The following TAF1 variants were observed in gnomAD, a reference collection of about 807,000 sequenced individuals.
TAF1 encodes transcription initiation factor TFIID subunit 1.
Under a neutral mutation model 138.5 loss-of-function variants are expected in TAF1, and 2 were observed. The observed-to-expected ratio is 0.01, with a 90% CI of 0.01 to 0.05. TAF1 has a LOEUF of 0.05. Among genes scored for constraint, TAF1 ranks in the 10% least tolerant of loss-of-function variants. TAF1 has a pLI of 1.00. For missense variants in TAF1, 709 were observed against 1,478.0 expected (o/e 0.48, Z 8.53); for synonymous variants, 437 against 503.2 (o/e 0.87, Z 1.76).
intron 22 of TAF1, 152 bp from the exon 23 acceptor site, chrX:71,397,101 G>T: frequency 1.9e-6 from 1 of 535,056 alleles, no homozygotes; most frequent in Admixed American, 3.5e-5. Context: ...GGACAAATCA[G>T]CATATTCTTG....
chrX:71,419,201 G>A (rs777094272), intron 28 of TAF1, among the ~76,000 whole-genome samples: 6 of 111,006 alleles, frequency 5.4e-5, no homozygotes, highest in African/African-American at 2.0e-4. Flanking sequence ...TCACCCATCG[G>A]TCTATTTAGG....
chrX:71,519,128 C>G (rs997190562), intron 13 of TAF1, among the ~76,000 whole-genome samples: 1 of 108,827 alleles, frequency 9.2e-6, no homozygotes, highest in East Asian at 3.0e-4. Context: ...CGAGACCATC[C>G]TGGCTAGCAC....
intron 13 of TAF1, chrX:71,492,070 G>A (rs1329191336): frequency 8.8e-6 from 1 of 113,180 alleles, no homozygotes; most frequent in African/African-American, 3.2e-5. Context: ...ACTATTAGAC[G>A]CATGTCCCCA....
At chrX:71,409,052 A>G (rs775709059) in intron 28 of TAF1, among the ~76,000 whole-genome samples, 2 of 110,260 alleles carry the variant, frequency 1.8e-5, no homozygotes, top group Admixed American at 9.7e-5. Context: ...TTCAGTGTGG[A>G]TGGAACCTGT....
chrX:71,499,013 A>G (rs982996004), intron 13 of TAF1, among the ~76,000 whole-genome samples: 6 of 111,529 alleles, frequency 5.4e-5, no homozygotes, highest in African/African-American at 2.0e-4. Flanking sequence ...GGGTGATGAC[A>G]TGAGCTGGCG....
intron 13 of TAF1, among the ~76,000 whole-genome samples, chrX:71,524,019 CTTTTTT>C (rs397895424): frequency 1.6e-4 from 12 of 76,359 alleles, no homozygotes; most frequent in Admixed American, 1.3e-3. Flanking sequence ...TGTAATAGTT[CTTTTTT>C]TTTTTTTTTT....
intron 13 of TAF1, among the ~76,000 whole-genome samples, chrX:71,502,607 G>C (rs909762190): frequency 4.4e-5 from 5 of 112,859 alleles, no homozygotes; most frequent in African/African-American, 1.3e-4. Flanking sequence ...GTTGCAGACT[G>C]TTTCAGTAAA....
At chrX:71,492,288 G>A (rs1157287453) in intron 13 of TAF1, 1 of 124,802 alleles carries the variant, frequency 8.0e-6, no homozygotes, top group Non-Finnish European at 1.8e-5. Flanking sequence ...GGGGAGGTCT[G>A]CGGGGGACGC....
intron 28 of TAF1, among the ~76,000 whole-genome samples, chrX:71,410,775 T>C (rs913041751): frequency 3.7e-5 from 4 of 106,903 alleles, no homozygotes; most frequent in Non-Finnish European, 5.8e-5. Flanking sequence ...GCATTTCTAA[T>C]CTACATTTGT....
Position 71,402,309 on chromosome X carries a change from G to C in TAF1, c.3998+570G>C, listed in dbSNP as rs1231276934. On this transcript the variant is annotated intron_variant, in intron 25 of 37. Transcript: ENST00000423759. ...TTTTGTAGAGATGGGGTTTCGTTAT[G>C]TTGGCCAGGCTGGACTCAAAACTCC... Among the ~76,000 whole-genome samples, 6 of 111,920 alleles carry C rather than the reference G, an allele frequency of 5.4e-5. No homozygotes were observed. In the Admixed American group the frequency reaches 5.7e-4, roughly 11 times the overall value.
chrX:71,519,269 C>T (rs1406611985), intron 13 of TAF1, among the ~76,000 whole-genome samples: 1 of 103,321 alleles, frequency 9.7e-6, no homozygotes, highest in Non-Finnish European at 2.0e-5. Flanking sequence ...TTACAGTGAG[C>T]CGGTGATCAA....
At position 71,398,056 on chromosome X, in the gene TAF1, C is replaced by T. The variant is rs573350945; in HGVS notation, c.3621-516C>T. Among the ~76,000 whole-genome samples the T allele has an allele frequency of 1.7e-4, 19 of 111,832 alleles. No homozygotes were observed. In the East Asian group the frequency reaches 2.3e-3, roughly 13 times the overall value. ...TGGTTTGCAAAAATCTTAGAGATTA[C>T]TGGCCGGGCGCGGTGGCTCACGCCT... On this transcript the variant is annotated intron_variant, in intron 23 of 37. Coordinates refer to ENST00000423759, the MANE Select transcript of TAF1 (RefSeq NM_004606.5).
chrX:71,497,983 C>T (rs2039427529), intron 13 of TAF1, among the ~76,000 whole-genome samples: 1 of 111,352 alleles, frequency 9.0e-6, no homozygotes. Context: ...TTGTTGTAGG[C>T]AGAGCTGGGC....
chrX:71,463,865 A>C lies in TAF1; in HGVS notation c.5441A>C (p.Gln1814Pro), dbSNP rs1244494003. The change falls in exon 38 of 38, where the codon CAA becomes CCA. Residue 1814 changes from glutamine (Q) to proline (P), a missense_variant. Gln to Pro is a moderately conservative substitution (Grantham distance 76). Transcript: ENST00000423759. ...GAGCCTGATCCCAAGTCGAACACCCAAGACACAAGCTTCAGCAGCATCGGT... is the reference window on the plus strand; with the variant it reads ...GAGCCTGATCCCAAGTCGAACACCCCAGACACAAGCTTCAGCAGCATCGGT... ...YEEPDPKSNTQDTSFSSIGGY... is the reference protein window; with the variant it reads ...YEEPDPKSNTPDTSFSSIGGY... 1 of 1,209,591 alleles carries C rather than the reference A, an allele frequency of 8.3e-7. No homozygotes were observed. The highest frequency in any genetic ancestry group is 1.1e-6 in the Non-Finnish European group (1 of 895,163).
At chrX:71,386,049 T>C (rs2148316264) in intron 14 of TAF1, among the ~76,000 whole-genome samples, 1 of 109,335 alleles carries the variant, frequency 9.1e-6, no homozygotes, top group African/African-American at 3.3e-5. Flanking sequence ...TAATCCCAGC[T>C]ACTCGGGAGG....
intron 8 of TAF1, among the ~76,000 whole-genome samples, chrX:71,379,824 A>T (rs1602472864): frequency 9.2e-6 from 1 of 108,350 alleles, no homozygotes; most frequent in Middle Eastern, 4.7e-3. Flanking sequence ...CTGGTCTCGA[A>T]CTCCCGACCT....
intron 13 of TAF1, among the ~76,000 whole-genome samples, chrX:71,482,902 G>A (rs1304306959): frequency 8.9e-6 from 1 of 112,063 alleles, no homozygotes; most frequent in African/African-American, 3.2e-5. Context: ...CTAGGTTTAT[G>A]TAATATTTTA....
chrX:71,387,969 G>C (rs1263622414), intron 15 of TAF1, among the ~76,000 whole-genome samples: 3 of 109,848 alleles, frequency 2.7e-5, no homozygotes, highest in Non-Finnish European at 5.7e-5. Flanking sequence ...GCATGGTGGC[G>C]CACGCCTATG....
intron 32 of TAF1, among the ~76,000 whole-genome samples, chrX:71,438,534 C>T (rs769385045): frequency 1.8e-5 from 2 of 111,741 alleles, no homozygotes; most frequent in Non-Finnish European, 3.8e-5. Context: ...AGTAATGCCT[C>T]GCTTAGCTTT....
Sources: allele counts gnomAD v4.1 joint callset (sites outside exome capture counted in the v4.1 genomes callset), GRCh38; gene constraint gnomAD v4.1.1; transcripts MANE v1.5; gene names NCBI Gene and HGNC (gene_info 2026-07-23, HGNC 2026-07-21).